GRIP1: variants seen among roughly 807,000 people sequenced by gnomAD.
The protein encoded by GRIP1 is glutamate receptor interacting protein 1, also known as glutamate receptor-interacting protein 1.
GRIP1 carries 45 observed loss-of-function variants against 129.9 expected under a neutral mutation model. The ratio of observed to expected loss-of-function variants is 0.35; its 90% CI spans 0.27 to 0.44. The LOEUF (loss-of-function observed/expected upper bound fraction) is 0.44, where lower values mean the gene tolerates loss of function less well. GRIP1 is among the 20% of genes least tolerant of loss of function. GRIP1 has a pLI of 1.00. For missense variants in GRIP1, 1,196 were observed against 1,396.8 expected (o/e 0.86, Z 2.29); for synonymous variants, 530 against 520.8 (o/e 1.02, Z -0.24).
intron 2 of GRIP1, among the ~76,000 whole-genome samples, chr12:66,557,589 C>T (rs772799121): frequency 6.6e-6 from 1 of 151,996 alleles, no homozygotes; most frequent in Non-Finnish European, 1.5e-5. Context: ...TCTAAAAATT[C>T]CAAAAAATTT....
intron 1 of GRIP1, among the ~76,000 whole-genome samples, chr12:66,632,468 G>A (rs1173209726): frequency 2.6e-5 from 4 of 152,130 alleles, no homozygotes; most frequent in African/African-American, 9.7e-5. Flanking sequence ...CCTGGATGGT[G>A]CCAATGTTTC....
At chr12:66,482,742 T>G (rs1416131150) in intron 7 of GRIP1, among the ~76,000 whole-genome samples, 1 of 151,938 alleles carries the variant, frequency 6.6e-6, no homozygotes, top group Non-Finnish European at 1.5e-5. Context: ...TGGGGCACTC[T>G]TATTTAAGAA....
intron 1 of GRIP1, among the ~76,000 whole-genome samples, chr12:66,836,299 T>A (rs778837937): frequency 6.6e-6 from 1 of 152,030 alleles, no homozygotes; most frequent in African/African-American, 2.4e-5. Context: ...CAACCTCATC[T>A]CCCTCAAGAA....
chr12:66,867,513 T>C (rs956244320), intron 1 of GRIP1, among the ~76,000 whole-genome samples: 1 of 152,140 alleles, frequency 6.6e-6, no homozygotes, highest in African/African-American at 2.4e-5. Flanking sequence ...AGATTTCAAA[T>C]ATACTTGTTA....
chr12:67,006,295 T>C (rs1344929608), intron 1 of GRIP1, among the ~76,000 whole-genome samples: 2 of 152,150 alleles, frequency 1.3e-5, no homozygotes, highest in African/African-American at 4.8e-5. Context: ...CGAGGCATGG[T>C]AGCTCAAGCC....
chr12:66,639,871 T>A (rs1051611972), intron 1 of GRIP1, among the ~76,000 whole-genome samples: 1 of 152,158 alleles, frequency 6.6e-6, no homozygotes, highest in Non-Finnish European at 1.5e-5. Context: ...GTTACACTAG[T>A]AGAATTAAAA....
At chr12:67,015,440 T>G (rs1482631091) in intron 1 of GRIP1, among the ~76,000 whole-genome samples, 3 of 152,174 alleles carry the variant, frequency 2.0e-5, no homozygotes, top group African/African-American at 7.2e-5. Flanking sequence ...TCAGAGATGC[T>G]TTAAAATAAA....
intron 11 of GRIP1, among the ~76,000 whole-genome samples, chr12:66,450,529 G>A (rs1035447805): frequency 5.4e-5 from 8 of 148,196 alleles, no homozygotes; most frequent in Admixed American, 2.0e-4. Context: ...AGCTCTATTT[G>A]GAGGCAAGTT....
chr12:67,039,743 T>C (rs1408445004), intron 1 of GRIP1, among the ~76,000 whole-genome samples: 5 of 152,148 alleles, frequency 3.3e-5, no homozygotes, highest in Non-Finnish European at 5.9e-5. Context: ...CACCAAAACA[T>C]CTTACTGATT....
chr12:66,564,449 C>T (rs2062666116), intron 2 of GRIP1, among the ~76,000 whole-genome samples: 1 of 152,100 alleles, frequency 6.6e-6, no homozygotes. Context: ...CTACAAAAGA[C>T]ATTAACTCAT....
chr12:66,722,853 G>A (rs2036101130), intron 1 of GRIP1, among the ~76,000 whole-genome samples: 1 of 152,108 alleles, frequency 6.6e-6, no homozygotes. Flanking sequence ...GGTAAAACTA[G>A]AATTCTATCC....
At chr12:66,400,956 G>C (rs987972006) in intron 16 of GRIP1, among the ~76,000 whole-genome samples, 1 of 152,058 alleles carries the variant, frequency 6.6e-6, no homozygotes, top group Non-Finnish European at 1.5e-5. Context: ...AGGATTATTT[G>C]CATTGCTGAT....
Position 67,010,620 on chromosome 12 carries a change from A to T in GRIP1, c.58+58430T>A, listed in dbSNP as rs1412569739. 3.9e-5 allele frequency among the ~76,000 whole-genome samples: 6 copies of T among 152,258 alleles called. No homozygotes were observed. In the East Asian group the frequency reaches 1.2e-3, roughly 29 times the overall value. ...ACCAGATATGAGAAAGAATAGAAAG[A>T]AATAAAGATGATTAGCCAGAAGAAA... On this transcript the variant is annotated intron_variant, in intron 1 of 1. Transcript: ENST00000643019.
At chr12:66,438,385 C>T in intron 13 of GRIP1, among the ~76,000 whole-genome samples, 1 of 152,234 alleles carries the variant, frequency 6.6e-6, no homozygotes, top group Admixed American at 6.5e-5. Context: ...AGACCAGGAA[C>T]CCCAGAGAAA....
chr12:66,793,062 CTATA>C (rs1036077180), intron 1 of GRIP1, among the ~76,000 whole-genome samples: 1 of 151,986 alleles, frequency 6.6e-6, no homozygotes, highest in Non-Finnish European at 1.5e-5. Flanking sequence ...AAACTAGTTC[CTATA>C]TAGTTTTCCA....
At chr12:66,990,164 C>T (rs888114967) in intron 1 of GRIP1, among the ~76,000 whole-genome samples, 2 of 152,142 alleles carry the variant, frequency 1.3e-5, no homozygotes, top group Non-Finnish European at 2.9e-5. Context: ...TTCTGATGAT[C>T]AGGCAAAGGT....
At chr12:67,052,182 A>G (rs2043357130) in intron 1 of GRIP1, among the ~76,000 whole-genome samples, 1 of 152,212 alleles carries the variant, frequency 6.6e-6, no homozygotes, top group Non-Finnish European at 1.5e-5. Context: ...ATTTTTAACA[A>G]GAAGTTATTG....
chr12:66,469,449 T>C (rs146721130), intron 7 of GRIP1, among the ~76,000 whole-genome samples: 2 of 152,324 alleles, frequency 1.3e-5, no homozygotes, highest in African/African-American at 4.8e-5. Flanking sequence ...GAAGGTGGGA[T>C]AAAAATCCTC....
chr12:66,992,839 G>A (rs1247361600), intron 1 of GRIP1, among the ~76,000 whole-genome samples: 1 of 152,238 alleles, frequency 6.6e-6, no homozygotes, highest in Non-Finnish European at 1.5e-5. Context: ...AAGGCCAGGT[G>A]TGGTAGCTCT....
Sources: gnomAD v4.1 joint callset for allele counts (sites outside exome capture counted in the v4.1 genomes callset) on GRCh38, gnomAD v4.1.1 for gene constraint, MANE v1.5 for transcripts, NCBI Gene and HGNC (gene_info 2026-07-23, HGNC 2026-07-21) for gene names.